MYO1E: variants seen among roughly 807,000 people sequenced by gnomAD.
The protein encoded by MYO1E is myosin IE, also known as unconventional myosin-Ie.
A neutral mutation model predicts 151.1 loss-of-function variants in MYO1E; 68 were observed. The observed-to-expected ratio is 0.45, with a 90% CI of 0.37 to 0.55. The LOEUF is 0.55. Ranked by LOEUF, MYO1E falls within the 20% of genes least tolerant of loss-of-function variation. The probability of loss-of-function intolerance (pLI) is 0.00; values close to 1 mark genes in which losing one functional copy is unlikely to be tolerated. For missense variants in MYO1E, 1,363 were observed against 1,389.3 expected, an observed-to-expected ratio of 0.98 and a Z score of 0.30; for synonymous variants, 601 against 501.7, an observed-to-expected ratio of 1.20 and a Z score of -2.64.
intron 1 of MYO1E, among the ~76,000 whole-genome samples, chr15:59,312,935 G>A (rs2080562022): frequency 6.6e-6 from 1 of 152,144 alleles, no homozygotes; most frequent in African/African-American, 2.4e-5. Flanking sequence ...CAGCTAATCA[G>A]GAAGCTGAGG....
At chr15:59,188,453 T>C (rs138673143) in intron 17 of MYO1E, among the ~76,000 whole-genome samples, 239 of 152,238 alleles carry the variant, frequency 1.6e-3, no homozygotes, top group Non-Finnish European at 2.8e-3. Flanking sequence ...TCCAGCACTT[T>C]GGGAGGGTGA....
At chr15:59,234,142 G>A (rs2080046043) in intron 5 of MYO1E, among the ~76,000 whole-genome samples, 1 of 152,062 alleles carries the variant, frequency 6.6e-6, no homozygotes. Flanking sequence ...TGCAACCTTA[G>A]TTTGCTCTTT....
chr15:59,210,647 A>G (rs2079873243), intron 12 of MYO1E, 47 bp from the exon 13 acceptor site: 1 of 1,357,356 alleles, frequency 7.4e-7, no homozygotes, highest in Non-Finnish European at 1.1e-6. Flanking sequence ...AGATAGCAAG[A>G]GCTCTGCACG....
At chr15:59,207,741 A>T (rs2079848461) in intron 14 of MYO1E, 2 of 1,614,110 alleles carry the variant, frequency 1.2e-6, no homozygotes, top group Admixed American at 1.7e-5. Context: ...ACTCTGATAT[A>T]GGAACTGATA....
chr15:59,353,922 ACATAAATAGGCT>A (rs2080839292), intron 1 of MYO1E, among the ~76,000 whole-genome samples: 8 of 152,234 alleles, frequency 5.3e-5, no homozygotes, highest in Admixed American at 5.2e-4. Context: ...AAGCATGTGA[ACATAAATAGGCT>A]CCAAAATAAT....
intron 3 of MYO1E, among the ~76,000 whole-genome samples, chr15:59,259,223 AACAG>A (rs1429615943): frequency 2.6e-5 from 4 of 152,320 alleles, no homozygotes; most frequent in African/African-American, 9.6e-5. Context: ...GAAATAACAG[AACAG>A]TAGGGTTTGT....
chr15:59,279,914 C>T (rs946835418), intron 1 of MYO1E, among the ~76,000 whole-genome samples: 2 of 152,090 alleles, frequency 1.3e-5, no homozygotes. Context: ...ACTTTCTGCA[C>T]TGTTTTATTT....
chr15:59,356,849 G>A (rs8025360), intron 1 of MYO1E, among the ~76,000 whole-genome samples: 20,951 of 151,402 alleles, frequency 0.14, 1,683 homozygotes, highest in East Asian at 0.29. Context: ...GATTACAGGC[G>A]TTGCACCACT....
intron 8 of MYO1E, 125 bp downstream of exon 8, chr15:59,224,564 G>A (rs1226915269): frequency 2.3e-6 from 3 of 1,297,430 alleles, no homozygotes; most frequent in Non-Finnish European, 1.1e-6. Flanking sequence ...CATACAGAGT[G>A]CTCACAGAGA....
At chr15:59,210,656 C>G (rs984959439) in intron 12 of MYO1E, 56 bp from the exon 13 acceptor site, 5 of 1,252,516 alleles carry the variant, frequency 4.0e-6, no homozygotes, top group Non-Finnish European at 5.9e-6. Context: ...GAGCTCTGCA[C>G]GGACAGACCC....
Position 59,227,611 on chromosome 15 carries a change from TCCTTCAATGGTTGGTGAA to T in MYO1E, c.511-39_511-22del, listed in dbSNP as rs761232185. ...TTTCCCTGCAAGAAAGTTAGGGATT[TCCTTCAATGGTTGGTGAA>T]CAAAACATGATGTCCCAAACAGGCT... On this transcript the variant is annotated intron_variant, in intron 6 of 27. Coordinates refer to ENST00000288235, the MANE Select transcript of MYO1E (RefSeq NM_004998.4). 4 of 1,613,838 alleles carry T rather than the reference TCCTTCAATGGTTGGTGAA, an allele frequency of 2.5e-6. No individual in the cohort carries two copies. In the Admixed American group the frequency reaches 6.7e-5, roughly 27 times the overall value.
At chr15:59,152,490 C>T (rs1182113999) in intron 26 of MYO1E, among the ~76,000 whole-genome samples, 1 of 152,120 alleles carries the variant, frequency 6.6e-6, no homozygotes, top group Non-Finnish European at 1.5e-5. Context: ...GAGAGTCGTG[C>T]AGAGCTGGAA....
intron 1 of MYO1E, among the ~76,000 whole-genome samples, chr15:59,363,028 T>G (rs1179607138): frequency 7.0e-6 from 1 of 143,042 alleles, no homozygotes; most frequent in African/African-American, 2.6e-5. Flanking sequence ...CAGGCTGGAA[T>G]GCAGTGGCAC....
intron 1 of MYO1E, among the ~76,000 whole-genome samples, chr15:59,274,876 G>A (rs1051632559): frequency 3.3e-5 from 5 of 152,116 alleles, no homozygotes; most frequent in East Asian, 3.8e-4. Flanking sequence ...AGTATCACTC[G>A]ATACTGAAGA....
intron 4 of MYO1E, among the ~76,000 whole-genome samples, chr15:59,249,443 G>T (rs1360955437): frequency 7.3e-6 from 1 of 136,758 alleles, no homozygotes; most frequent in African/African-American, 2.7e-5. Flanking sequence ...AAAAAAATCC[G>T]ATTTGTTACA....
At chr15:59,287,171 A>G (rs1458804758) in intron 1 of MYO1E, among the ~76,000 whole-genome samples, 1 of 152,190 alleles carries the variant, frequency 6.6e-6, no homozygotes, top group East Asian at 1.9e-4. Context: ...AATTAAGAAC[A>G]AGCTTGATAA....
intron 2 of MYO1E, among the ~76,000 whole-genome samples, chr15:59,269,387 G>C (rs1417744726): frequency 6.6e-6 from 1 of 152,176 alleles, no homozygotes; most frequent in African/African-American, 2.4e-5. Context: ...TCCACATCCT[G>C]CCACCCAGCT....
chr15:59,317,884 A>T (rs7171696), intron 1 of MYO1E, among the ~76,000 whole-genome samples: 23,434 of 152,060 alleles, frequency 0.15, 2,188 homozygotes, highest in East Asian at 0.27. Flanking sequence ...ATAACCTCAT[A>T]AGGCAGGCAC....
chr15:59,258,225 T>C (rs1299376631), intron 3 of MYO1E, among the ~76,000 whole-genome samples: 1 of 152,218 alleles, frequency 6.6e-6, no homozygotes, highest in Non-Finnish European at 1.5e-5. Context: ...CAGATGCCTG[T>C]AATCCCAGCT....
Sources: gnomAD v4.1 joint callset for allele counts (sites outside exome capture counted in the v4.1 genomes callset) on GRCh38, gnomAD v4.1.1 for gene constraint, MANE v1.5 for transcripts, NCBI Gene and HGNC (gene_info 2026-07-23, HGNC 2026-07-21) for gene names.